ABR: variants seen among roughly 807,000 people sequenced by gnomAD.
ABR encodes the protein ABR activator of RhoGEF and GTPase, also known as active breakpoint cluster region-related protein.
Under a neutral mutation model 107.2 loss-of-function variants are expected in ABR, and 35 were observed. The observed-to-expected ratio is 0.33, with a 90% CI of 0.25 to 0.43. ABR has a LOEUF of 0.43. ABR is among the 20% of genes least tolerant of loss of function. The probability of loss-of-function intolerance (pLI) is 1.00; values close to 1 mark genes in which losing one functional copy is unlikely to be tolerated. For missense variants in ABR, 815 were observed against 1,115.2 expected, an observed-to-expected ratio of 0.73 and a Z score of 3.83; for synonymous variants, 498 against 462.0, an observed-to-expected ratio of 1.08 and a Z score of -1.00.
At chr17:1,207,321 G>A (rs575467083) in intron 1 of ABR, among the ~76,000 whole-genome samples, 1 of 151,970 alleles carries the variant, frequency 6.6e-6, no homozygotes, top group South Asian at 2.1e-4. Flanking sequence ...CAACTTTTCT[G>A]AAGGATAATT....
At chr17:1,177,074 G>A (rs946129817) in intron 1 of ABR, among the ~76,000 whole-genome samples, 6 of 152,024 alleles carry the variant, frequency 3.9e-5, no homozygotes, top group Non-Finnish European at 7.4e-5. Context: ...TACAGTTCCC[G>A]ATGGATCTGG....
rs895299110 is a variant in ABR, at chr17:1,092,040, C to T, written c.346-190G>A. Among the ~76,000 whole-genome samples, 2 of 152,136 alleles carry T rather than the reference C, an allele frequency of 1.3e-5. No individual in the cohort carries two copies. The highest frequency in any genetic ancestry group is 1.9e-4 in the East Asian group (1 of 5,182). On this transcript the variant is annotated intron_variant, in intron 3 of 22. Coordinates refer to ENST00000302538, the MANE Select transcript of ABR (RefSeq NM_021962.5). This position sits in a 1 kb window ranked among gnomAD's most constrained non-coding sequence, Gnocchi z 4.6. Reference sequence around the variant, plus strand: ...CACAGGCCCCAACAAGCCGCACACTCGACAGCAGGAACCTGGCCTGGCAGC... The same window carrying T: ...CACAGGCCCCAACAAGCCGCACACTTGACAGCAGGAACCTGGCCTGGCAGC...
At chr17:1,153,677 GGTCCAGGC>G (rs2040913562) in intron 1 of ABR, 5 of 113,982 alleles carry the variant, frequency 4.4e-5, no homozygotes, top group African/African-American at 1.6e-4. Context: ...GAGGGCTGGG[GGTCCAGGC>G]ACACCTGCGG....
rs1218305955 is a variant in ABR, at chr17:1,078,509, T to A, written c.700+821A>T. ...CGTCTGCGGGCACAGCTCGTCGCCG[T>A]CTCTCCCTAACAGCCCCTCCAGGAA... On this transcript the variant is annotated intron_variant, in intron 6 of 22. Coordinates refer to ENST00000302538, the MANE Select transcript of ABR (RefSeq NM_021962.5). The surrounding 1 kb of genome is among the most constrained non-coding windows in gnomAD (Gnocchi z 7.5). 6.6e-6 allele frequency among the ~76,000 whole-genome samples: 1 copy of A among 151,692 alleles called. No individual in the cohort carries two copies. Among genetic ancestry groups the A allele is most frequent in the Non-Finnish European group, 1.5e-5 (1 of 67,910 alleles).
At chr17:1,031,438 A>G (rs999200250) in intron 16 of ABR, among the ~76,000 whole-genome samples, 8 of 152,082 alleles carry the variant, frequency 5.3e-5, no homozygotes, top group African/African-American at 1.9e-4. Flanking sequence ...CATCAAGTTC[A>G]AGCCACTTAG....
At chr17:1,156,829 C>T (rs572415126) in intron 1 of ABR, among the ~76,000 whole-genome samples, 2 of 152,262 alleles carry the variant, frequency 1.3e-5, no homozygotes, top group South Asian at 4.1e-4. Flanking sequence ...CTCATAGTCA[C>T]GTAGTTACTT....
intron 2 of ABR, among the ~76,000 whole-genome samples, chr17:1,110,963 C>T (rs866460421): frequency 5.2e-4 from 79 of 152,294 alleles, no homozygotes; most frequent in African/African-American, 1.7e-3. Context: ...GAGGCTGTGG[C>T]GAGGGCTTGG....
At chr17:1,052,023 G>T (rs2032599569) in intron 14 of ABR, among the ~76,000 whole-genome samples, 1 of 151,716 alleles carries the variant, frequency 6.6e-6, no homozygotes, top group African/African-American at 2.4e-5. Context: ...GCAGTGAGCT[G>T]AGATGGCACC....
Position 1,052,329 on chromosome 17 carries a change from C to T in ABR, c.1562-1695G>A, listed in dbSNP as rs368263479. ...ATTGATCTCGGTGTGAGCCCCTCCT[C>T]GAGGGGCTGGGGAGGGCTCACAGGG... On this transcript the variant is annotated intron_variant, in intron 14 of 22. Transcript: ENST00000302538. Among the ~76,000 whole-genome samples the T allele has an allele frequency of 4.0e-3, 589 of 145,946 alleles. 5 individuals are homozygous for T. Among genetic ancestry groups the T allele is most frequent in the African/African-American group, 0.014 (553 of 38,874 alleles).
chr17:1,018,213 T>C (rs1015642686), intron 16 of ABR, among the ~76,000 whole-genome samples: 1 of 151,866 alleles, frequency 6.6e-6, no homozygotes, highest in East Asian at 1.9e-4. Context: ...CGGCTAATTT[T>C]TTGTATTTTT....
At chr17:1,012,548 C>T (rs888257024) in intron 18 of ABR, 140 bp downstream of exon 18, 1 of 721,772 alleles carries the variant, frequency 1.4e-6, no homozygotes, top group South Asian at 1.5e-5. Context: ...TCTAGATCCA[C>T]ACCGGCCATC....
At chr17:1,135,635 G>A (rs1211735262) in intron 1 of ABR, among the ~76,000 whole-genome samples, 2 of 152,096 alleles carry the variant, frequency 1.3e-5, no homozygotes, top group Non-Finnish European at 2.9e-5. Context: ...CAGCACTGTG[G>A]GAGGCTGGAG....
At chr17:1,036,840 C>T (rs963182209) in intron 16 of ABR, among the ~76,000 whole-genome samples, 3 of 152,152 alleles carry the variant, frequency 2.0e-5, no homozygotes, top group African/African-American at 7.2e-5. Context: ...GAATGAGACA[C>T]TGAGACTCAC....
chr17:1,047,239 T>C (rs2376591), intron 16 of ABR, among the ~76,000 whole-genome samples: 23,919 of 152,342 alleles, frequency 0.16, 2,342 homozygotes, highest in Admixed American at 0.25. Flanking sequence ...CAGCGCCTGC[T>C]GGCGGGCAGA....
chr17:1,111,252 C>T (rs1192649314), intron 2 of ABR, among the ~76,000 whole-genome samples: 1 of 152,182 alleles, frequency 6.6e-6, no homozygotes, highest in African/African-American at 2.4e-5. Context: ...GACTGACGCC[C>T]ACTTCTTCCC....
At chr17:1,229,428 C>T (rs2150779273) in exon 1 of ABR, among the ~76,000 whole-genome samples, 1 of 151,772 alleles carries the variant, frequency 6.6e-6, no homozygotes, top group South Asian at 2.1e-4. Flanking sequence ...GGAGTCTCCG[C>T]CGCCGCCCCG....
At chr17:1,062,711 T>C (rs2034161014) in intron 10 of ABR, among the ~76,000 whole-genome samples, 1 of 146,136 alleles carries the variant, frequency 6.8e-6, no homozygotes, top group Non-Finnish European at 1.5e-5. Context: ...ACTGCTATTA[T>C]GTGAACTGAG....
intron 2 of ABR, among the ~76,000 whole-genome samples, chr17:1,120,443 TTTTGTG>T (rs1421306911): frequency 6.6e-6 from 1 of 152,064 alleles, no homozygotes; most frequent in Admixed American, 6.5e-5. Context: ...CCAGCTAATT[TTTTGTG>T]TATGTTTTTA....
Position 1,073,900 on chromosome 17 carries a change from G to A in ABR, c.701-223C>T, listed in dbSNP as rs568368036. Among the ~76,000 whole-genome samples the A allele has an allele frequency of 5.9e-5, 9 of 151,992 alleles. No individual in the cohort carries two copies. In the East Asian group the frequency reaches 9.7e-4, roughly 16 times the overall value. On this transcript the variant is annotated intron_variant, in intron 6 of 22. Coordinates refer to ENST00000302538, the MANE Select transcript of ABR (RefSeq NM_021962.5). ...AGCCCTGGCAGCCCCTGCTCCCTCC[G>A]CAGCCCTGCCTCCTCTCCCATCAGA...
Sources: allele counts gnomAD v4.1 joint callset (sites outside exome capture counted in the v4.1 genomes callset), GRCh38; gene constraint gnomAD v4.1.1; non-coding constraint Gnocchi (gnomAD v3.1); transcripts MANE v1.5; gene names NCBI Gene and HGNC (gene_info 2026-07-23, HGNC 2026-07-21).